DLGAP2: variants seen among roughly 807,000 people sequenced by gnomAD.
DLGAP2 encodes disks large-associated protein 2.
In DLGAP2, 26 loss-of-function variants were observed where a neutral mutation model predicts 100.3. That is an observed-to-expected ratio of 0.26 (90% CI 0.19 to 0.36). The LOEUF is 0.36. Among genes scored for constraint, DLGAP2 ranks in the 10% least tolerant of loss-of-function variants. DLGAP2 has a pLI of 1.00. For synonymous variants in DLGAP2, 886 were observed against 630.1 expected (o/e 1.41, Z -6.08); for missense variants, 1,858 against 1,453.2 (o/e 1.28, Z -4.53).
At chr8:779,303 G>C (rs1378609910) in intron 1 of DLGAP2, among the ~76,000 whole-genome samples, 3 of 152,176 alleles carry the variant, frequency 2.0e-5, no homozygotes, top group African/African-American at 7.2e-5. Flanking sequence ...CCCGTCTTCT[G>C]CCTTGCTCAT....
chr8:1,468,873 C>T (rs968361370), intron 3 of DLGAP2, among the ~76,000 whole-genome samples: 2 of 152,146 alleles, frequency 1.3e-5, no homozygotes, highest in East Asian at 1.9e-4. Flanking sequence ...GCTGCCCGGC[C>T]CAGACTCTCT....
intron 2 of DLGAP2, among the ~76,000 whole-genome samples, chr8:1,157,685 A>G (rs1796817218): frequency 6.6e-6 from 1 of 152,196 alleles, no homozygotes; most frequent in South Asian, 2.1e-4. Context: ...TAATACAAAT[A>G]ATAATAGGCT....
intron 2 of DLGAP2, among the ~76,000 whole-genome samples, chr8:969,342 A>G (rs1025872531): frequency 6.6e-6 from 1 of 151,900 alleles, no homozygotes; most frequent in East Asian, 1.9e-4. Context: ...GGGACTCGTC[A>G]CCCTCCATGC....
At chr8:1,645,935 G>C (rs539736537) in intron 8 of DLGAP2, among the ~76,000 whole-genome samples, 1 of 152,160 alleles carries the variant, frequency 6.6e-6, no homozygotes, top group African/African-American at 2.4e-5. Context: ...TGTCTTTCCC[G>C]TTCAGTTTGC....
intron 1 of DLGAP2, among the ~76,000 whole-genome samples, chr8:862,751 G>T (rs925405234): frequency 2.6e-5 from 4 of 152,192 alleles, no homozygotes; most frequent in Non-Finnish European, 5.9e-5. Flanking sequence ...GTTGGACGTG[G>T]TTGAACTTGA....
rs776779543 is a variant in DLGAP2 at position 1,697,239 on chromosome 8, C to A, written c.2889C>A (p.Phe963Leu). 6.2e-7 allele frequency: 1 copy of A among 1,611,048 alleles called. No homozygotes were observed. Among genetic ancestry groups the A allele is most frequent in the Non-Finnish European group, 8.5e-7 (1 of 1,178,342 alleles). Residue 963 changes from phenylalanine to leucine, a missense_variant, in exon 14 of 15, where the codon TTC becomes TTA. By Grantham distance (22) the Phe-to-Leu change is conservative. Transcript: ENST00000637795. Reference protein sequence around the residue: ...QLSIEDVSMKFDELQRLRLND... With the variant: ...QLSIEDVSMKLDELQRLRLND... ...CCATTGAGGACGTCAGCATGAAGTT[C>A]GACGAGCTGCAGCGGCTGCGGCTCA...
intron 2 of DLGAP2, chr8:1,250,263 A>C (rs1799008916): frequency 6.6e-6 from 1 of 152,200 alleles, no homozygotes; most frequent in South Asian, 2.1e-4. Flanking sequence ...AGGACGTGAC[A>C]ATGGCGAGCA....
chr8:1,427,945 A>T (rs1797282905), intron 3 of DLGAP2, among the ~76,000 whole-genome samples: 1 of 152,210 alleles, frequency 6.6e-6, no homozygotes, highest in South Asian at 2.1e-4. Context: ...ATTAATATAA[A>T]ATGAACTTAT....
chr8:1,589,427 A>G (rs1400449367), intron 6 of DLGAP2, among the ~76,000 whole-genome samples: 2 of 152,086 alleles, frequency 1.3e-5, no homozygotes, highest in African/African-American at 4.8e-5. Context: ...ATGTTGCCAC[A>G]TTTTGTGTCT....
intron 2 of DLGAP2, among the ~76,000 whole-genome samples, chr8:1,242,135 C>G (rs938689175): frequency 4.6e-5 from 7 of 152,144 alleles, no homozygotes; most frequent in Non-Finnish European, 7.3e-5. Context: ...AATCCCATAG[C>G]TTATATAAAC....
intron 2 of DLGAP2, among the ~76,000 whole-genome samples, chr8:1,235,090 TG>T (rs1798616702): frequency 6.6e-5 from 1 of 15,208 alleles, no homozygotes; most frequent in African/African-American, 1.4e-4. Flanking sequence ...CCCTCTCACA[TG>T]GCGTCGTGTC....
chr8:1,049,769 C>T (rs1563164700), intron 2 of DLGAP2, among the ~76,000 whole-genome samples: 1 of 152,122 alleles, frequency 6.6e-6, no homozygotes, highest in Non-Finnish European at 1.5e-5. Context: ...GGTGCATAGA[C>T]ACAGGCACAT....
At chr8:941,785 G>A (rs560095200) in intron 2 of DLGAP2, among the ~76,000 whole-genome samples, 1 of 151,978 alleles carries the variant, frequency 6.6e-6, no homozygotes, top group South Asian at 2.1e-4. Context: ...CATCAGTGTA[G>A]GTCCTATATT....
chr8:1,150,779 G>A (rs529386369), intron 2 of DLGAP2, among the ~76,000 whole-genome samples: 1 of 152,038 alleles, frequency 6.6e-6, no homozygotes, highest in Admixed American at 6.6e-5. Flanking sequence ...ACATAGATGA[G>A]TTCTTAAAAA....
chr8:1,420,961 A>T (rs527586703), intron 3 of DLGAP2, among the ~76,000 whole-genome samples: 2 of 152,146 alleles, frequency 1.3e-5, no homozygotes, highest in South Asian at 4.2e-4. Flanking sequence ...GCTGTACTGA[A>T]TGTTGCTTCC....
intron 2 of DLGAP2, among the ~76,000 whole-genome samples, chr8:1,039,614 A>G (rs1317089124): frequency 1.6e-4 from 8 of 50,532 alleles, no homozygotes; most frequent in South Asian, 9.2e-4. Flanking sequence ...GTGCGTGGTC[A>G]GCTCGGTGTG....
chr8:1,259,677 G>C (rs187739659), intron 3 of DLGAP2: 10 of 152,318 alleles, frequency 6.6e-5, no homozygotes, highest in Admixed American at 1.3e-4. Flanking sequence ...AGGGAGAGAT[G>C]GGGAGAGATG....
intron 6 of DLGAP2, among the ~76,000 whole-genome samples, chr8:1,583,220 TG>T (rs1796001471): frequency 6.6e-6 from 1 of 152,212 alleles, no homozygotes; most frequent in African/African-American, 2.4e-5. Context: ...AGTCATGAGA[TG>T]GCTCCAAGCC....
At chr8:1,626,338 TG>T (rs1797496830) in intron 6 of DLGAP2, among the ~76,000 whole-genome samples, 1 of 87,004 alleles carries the variant, frequency 1.1e-5, no homozygotes, top group Non-Finnish European at 2.2e-5. Flanking sequence ...GTTGGACGGC[TG>T]TTCCCATCTC....
Sources: gnomAD v4.1 joint callset for allele counts (sites outside exome capture counted in the v4.1 genomes callset) on GRCh38, gnomAD v4.1.1 for gene constraint, MANE v1.5 for transcripts, NCBI Gene and HGNC (gene_info 2026-07-23, HGNC 2026-07-21) for gene names.